Variants in NODAL observed in about 807,000 individuals in gnomAD.
The protein encoded by NODAL is nodal growth differentiation factor, also known as nodal homolog.
Under a neutral mutation model 34.0 loss-of-function variants are expected in NODAL, and 12 were observed. The ratio of observed to expected loss-of-function variants is 0.35; its 90% CI spans 0.23 to 0.57. The LOEUF (loss-of-function observed/expected upper bound fraction) is 0.57, where lower values mean the gene tolerates loss of function less well. Among genes scored for constraint, NODAL ranks in the 20% least tolerant of loss-of-function variants. NODAL has a pLI of 0.83. For synonymous variants in NODAL, 162 were observed against 186.4 expected (o/e 0.87, Z 1.07); for missense variants, 390 against 444.2 (o/e 0.88, Z 1.10).
rs951228897 is a variant in NODAL, at chr10:70,432,384, G to A, written c.*552C>T. On this transcript the variant is annotated 3_prime_UTR_variant, in exon 3 of 3. Coordinates refer to ENST00000287139, the MANE Select transcript of NODAL (RefSeq NM_018055.5). ...CCACTCCAGTGAGCCTCTGGACAAG[G>A]CCAGTAGATTGCCACTGGCCAGCCA... 3 of 186,760 alleles carry A rather than the reference G, an allele frequency of 1.6e-5. No individual in the cohort carries two copies. Among genetic ancestry groups the A allele is most frequent in the Non-Finnish European group, 2.3e-5 (2 of 88,212 alleles). 11.6% of individuals were successfully genotyped at this position (186,760 alleles called of 1,614,324 possible).
chr10:70,440,449 C>G (rs1845412990), intron 1 of NODAL, among the ~76,000 whole-genome samples: 1 of 152,156 alleles, frequency 6.6e-6, no homozygotes, highest in African/African-American at 2.4e-5. Context: ...GGCGCGGGAG[C>G]GAAGGGCCCC....
intron 1 of NODAL, among the ~76,000 whole-genome samples, chr10:70,446,847 C>A (rs1370686944): frequency 6.6e-6 from 1 of 152,108 alleles, no homozygotes; most frequent in African/African-American, 2.4e-5. Flanking sequence ...TAGCTCCTGG[C>A]ACACAGGTAC....
chr10:70,440,656 C>T (rs1342932134), intron 1 of NODAL, among the ~76,000 whole-genome samples: 1 of 152,180 alleles, frequency 6.6e-6, no homozygotes, highest in East Asian at 1.9e-4. Flanking sequence ...CTGCTCGCCG[C>T]GCTGGGTGCC....
chr10:70,443,530 A>T (rs1845454866), upstream of NODAL, among the ~76,000 whole-genome samples: 1 of 152,100 alleles, frequency 6.6e-6, no homozygotes, highest in African/African-American at 2.4e-5. Context: ...TAAAAAAAAA[A>T]AATAAAAACA....
upstream of NODAL, among the ~76,000 whole-genome samples, chr10:70,445,079 G>A (rs564035930): frequency 1.6e-4 from 24 of 152,208 alleles, no homozygotes; most frequent in African/African-American, 5.8e-4. Flanking sequence ...ACGCAGTGAA[G>A]CCAATTCCAG....
chr10:70,437,715 G>C (rs1211045266), intron 1 of NODAL, among the ~76,000 whole-genome samples: 1 of 152,142 alleles, frequency 6.6e-6, no homozygotes, highest in African/African-American at 2.4e-5. Context: ...TGACTGTCTC[G>C]TTGAGCATCT....
upstream of NODAL, among the ~76,000 whole-genome samples, chr10:70,446,657 G>A (rs1185869625): frequency 6.6e-6 from 1 of 152,076 alleles, no homozygotes; most frequent in Non-Finnish European, 1.5e-5. Flanking sequence ...CTGTATGCCA[G>A]GGGTGACACT....
intron 1 of NODAL, among the ~76,000 whole-genome samples, chr10:70,437,774 A>T (rs1263741843): frequency 1.3e-5 from 2 of 152,144 alleles, no homozygotes; most frequent in African/African-American, 2.4e-5. Flanking sequence ...CTTGTATTGT[A>T]AAGGGGTCAC....
rs1845323058 is a variant in NODAL at position 70,434,891 on chromosome 10, G to A, written c.891+395C>T. The A allele has an allele frequency of 1.5e-5, 3 of 200,128 alleles. No homozygotes were observed. In the South Asian group the frequency reaches 3.0e-4, roughly 20 times the overall value. The allele number at this position is 200,128 out of a possible 1,614,324, so 12.4% of individuals were successfully genotyped here. A position where few individuals can be genotyped will look rare whatever the true frequency, so the allele number is the denominator to read the frequency against. On this transcript the variant is annotated intron_variant, in intron 2 of 2. Coordinates refer to ENST00000287139, the MANE Select transcript of NODAL (RefSeq NM_018055.5). The stretch of plus-strand genomic sequence containing the variant: ...GAAAAACTGAAGCTTGAGAGAATAA[G>A]CAACCTAAACAGTATCACACAGCTA...
chr10:70,440,345 C>A (rs1845411670), intron 1 of NODAL, among the ~76,000 whole-genome samples: 1 of 152,184 alleles, frequency 6.6e-6, no homozygotes, highest in Non-Finnish European at 1.5e-5. Context: ...AGCACTCCAG[C>A]AAATTTCTCA....
chr10:70,432,821 A>G lies in NODAL; in HGVS notation c.*115T>C, dbSNP rs1320542097. 3 of 1,253,536 alleles carry G rather than the reference A, an allele frequency of 2.4e-6. No individual in the cohort carries two copies. In the African/African-American group the frequency reaches 4.4e-5, roughly 18 times the overall value. The allele number at this position is 1,253,536 out of a possible 1,614,324, so 77.7% of individuals were successfully genotyped here. A position where few individuals can be genotyped will look rare whatever the true frequency, so the allele number is the denominator to read the frequency against. ...CCCCTCCTCTTCAGTTCTGGTGGGC[A>G]GAGCAACTTTGCCCCTCTCTGTTTC... is the stretch of plus-strand genomic sequence containing the variant. On this transcript the variant is annotated 3_prime_UTR_variant, in exon 3 of 3. Transcript: ENST00000287139.
chr10:70,434,366 T>C (rs528251004), intron 2 of NODAL, among the ~76,000 whole-genome samples: 161 of 152,310 alleles, frequency 1.1e-3, no homozygotes, highest in African/African-American at 3.8e-3. Flanking sequence ...CTTTGTCTAC[T>C]TTTTCTTGTT....
In NODAL at chr10:70,441,575, C is replaced by A. The variant is rs776625558; in HGVS notation, c.93G>T (p.Thr31=). Residue 31 remains threonine (T), a synonymous_variant, in exon 1 of 3, where the codon ACG becomes ACT. Coordinates refer to ENST00000287139, the MANE Select transcript of NODAL (RefSeq NM_018055.5). ...AATVATALLR[T]RGQPSSPSPL... ...GGGATGGCGACGAGGGCTGCCCCCGCGTACGCAGGAGCGCAGTGGCCACCG... is the reference window on the plus strand; with the variant it reads ...GGGATGGCGACGAGGGCTGCCCCCGAGTACGCAGGAGCGCAGTGGCCACCG... 1.3e-6 allele frequency: 2 copies of A among 1,571,260 alleles called. No homozygotes were observed. The highest frequency in any genetic ancestry group is 1.7e-6 in the Non-Finnish European group (2 of 1,160,166).
At chr10:70,443,528 A>T (rs759611554), upstream of NODAL, among the ~76,000 whole-genome samples, 11 of 152,134 alleles carry the variant, frequency 7.2e-5, no homozygotes, top group Admixed American at 3.3e-4. Context: ...TTTAAAAAAA[A>T]AAAATAAAAA....
chr10:70,434,081 C>G (rs1025113390), intron 2 of NODAL, among the ~76,000 whole-genome samples: 1 of 152,150 alleles, frequency 6.6e-6, no homozygotes, highest in African/African-American at 2.4e-5. Context: ...TCATGCTCCC[C>G]AGAGACCCTG....
upstream of NODAL, among the ~76,000 whole-genome samples, chr10:70,443,370 T>C (rs1845453324): frequency 6.6e-6 from 1 of 152,134 alleles, no homozygotes; most frequent in African/African-American, 2.4e-5. Context: ...ATCATCATCG[T>C]TGGAACCCAA....
intron 1 of NODAL, chr10:70,436,419 C>CA (rs1845354446): frequency 7.6e-6 from 2 of 263,250 alleles, no homozygotes; most frequent in Non-Finnish European, 1.5e-5. Flanking sequence ...ACTAAAAATA[C>CA]AAAATTAGCT....
Position 70,441,457 on chromosome 10 carries a change from G to C in NODAL, c.193+18C>G. The C allele has an allele frequency of 6.4e-7, 1 of 1,561,588 alleles. No homozygotes were observed. Among genetic ancestry groups the C allele is most frequent in the Non-Finnish European group, 8.6e-7 (1 of 1,156,578 alleles). ...CCCCGGGGGTGCCCAGCAGGGCGCGGCACGCGGCACTGCCTACCTTCTGCC... is the reference window on the plus strand; with the variant it reads ...CCCCGGGGGTGCCCAGCAGGGCGCGCCACGCGGCACTGCCTACCTTCTGCC... On this transcript the variant is annotated intron_variant, in intron 1 of 2. Coordinates refer to ENST00000287139, the MANE Select transcript of NODAL (RefSeq NM_018055.5).
upstream of NODAL, among the ~76,000 whole-genome samples, chr10:70,446,577 T>A (rs1450141518): frequency 6.6e-6 from 1 of 152,124 alleles, no homozygotes; most frequent in African/African-American, 2.4e-5. Flanking sequence ...GCTTGTCTAG[T>A]GAGTCTCTGG....
Sources: allele counts gnomAD v4.1 joint callset (sites outside exome capture counted in the v4.1 genomes callset), GRCh38; gene constraint gnomAD v4.1.1; transcripts MANE v1.5; gene names NCBI Gene and HGNC (gene_info 2026-07-23, HGNC 2026-07-21).